QSOX1: variants seen among roughly 807,000 people sequenced by gnomAD.
QSOX1 encodes quiescin sulfhydryl oxidase 1.
Under a neutral mutation model 76.1 loss-of-function variants are expected in QSOX1, and 40 were observed. The observed-to-expected ratio is 0.53, with a 90% CI of 0.41 to 0.68. The LOEUF (loss-of-function observed/expected upper bound fraction) is 0.68, where lower values mean the gene tolerates loss of function less well. QSOX1 is among the 30% of genes least tolerant of loss of function. The pLI is 0.00. For missense variants in QSOX1, 931 were observed against 974.3 expected (o/e 0.96, Z 0.59); for synonymous variants, 392 against 413.1 (o/e 0.95, Z 0.62).
chr1:180,164,167 C>T (rs985928110), intron 1 of QSOX1, among the ~76,000 whole-genome samples: 1 of 152,156 alleles, frequency 6.6e-6, no homozygotes, highest in Non-Finnish European at 1.5e-5. Flanking sequence ...ACCATACCTG[C>T]CTTTGTGCAG....
At chr1:180,178,749 T>C (rs1662957978) in intron 4 of QSOX1, 45 bp from the exon 5 acceptor site, 5 of 1,573,036 alleles carry the variant, frequency 3.2e-6, no homozygotes, top group Non-Finnish European at 4.4e-6. Context: ...TTTTGTCTTA[T>C]TTCTGCTGGC....
Position 180,198,748 on chromosome 1 carries a change from C to T in QSOX1, c.*1711C>T, listed in dbSNP as rs2149244892. The T allele has an allele frequency of 3.7e-6, 1 of 273,702 alleles. No individual in the cohort carries two copies. Among genetic ancestry groups the T allele is most frequent in the African/African-American group, 2.2e-5 (1 of 45,686 alleles). The allele number at this position is 273,702 out of a possible 1,614,324, so 17.0% of individuals were successfully genotyped here. On this transcript the variant is annotated 3_prime_UTR_variant, in exon 12 of 12. Transcript: ENST00000367602. ...TCCTCCTGGTTGTGCTCTGCACCCC[C>T]TGCTCCCTTGGGCTGGCCCTGGCTG...
At chr1:180,186,964 C>T (rs1663191072) in intron 8 of QSOX1, among the ~76,000 whole-genome samples, 1 of 152,260 alleles carries the variant, frequency 6.6e-6, no homozygotes. Context: ...ACCCTGGACT[C>T]TGCTGCTCAG....
chr1:180,157,901 C>T (rs16855344), intron 1 of QSOX1, among the ~76,000 whole-genome samples: 4,555 of 152,216 alleles, frequency 0.03, 209 homozygotes, highest in African/African-American at 0.1. Flanking sequence ...TTGAAAAAGG[C>T]CAAAGGAGTG....
chr1:180,176,052 G>A lies in QSOX1; in HGVS notation c.515+19G>A, dbSNP rs1248230222. The stretch of plus-strand genomic sequence containing the variant: ...CTGCCAAGTACTTTGGGCTGGGGCA[G>A]GCTTAGTGCATTGTGGGCCAGGATC... On this transcript the variant is annotated intron_variant, in intron 4 of 11. Coordinates refer to ENST00000367602, the MANE Select transcript of QSOX1 (RefSeq NM_002826.5). 5 of 1,556,606 alleles carry A rather than the reference G, an allele frequency of 3.2e-6. No individual in the cohort carries two copies. The highest frequency in any genetic ancestry group is 3.8e-5 in the Admixed American group (2 of 52,534).
chr1:180,196,726 C>A lies in QSOX1; in HGVS notation c.1933C>A (p.Arg645=). 2 of 1,614,090 alleles carry A rather than the reference C, an allele frequency of 1.2e-6. No homozygotes were observed. Among genetic ancestry groups the A allele is most frequent in the Non-Finnish European group, 1.7e-6 (2 of 1,180,046 alleles). Residue 645 remains arginine, a synonymous_variant, in exon 12 of 12, where the codon CGA becomes AGA. Transcript: ENST00000367602. This position sits in a 1 kb window ranked among gnomAD's most constrained non-coding sequence, Gnocchi z 4.1. ...GCTTGGGCAGTGGCACTTGAGCAAGCGAGACACAGGGGCTGCATTGCTGGC... is the reference window on the plus strand; with the variant it reads ...GCTTGGGCAGTGGCACTTGAGCAAGAGAGACACAGGGGCTGCATTGCTGGC... ...QPLGQWHLSK[R]DTGAALLAES... is the part of the protein sequence containing the mutation.
Position 180,197,020 on chromosome 1 carries a change from G to A in QSOX1, c.2227G>A (p.Gly743Ser). ...AKIRALKGHA[G>S]HPAA The stretch of plus-strand genomic sequence containing the variant: ...GATAAGGGCCCTGAAGGGCCATGCT[G>A]GCCACCCTGCAGCCTGAACCACCTG... The change falls in exon 12 of 12, where the codon GGC becomes AGC. Residue 743 changes from glycine to serine, a missense_variant. Physicochemically the swap from Gly to Ser is moderately conservative, Grantham distance 56. Transcript: ENST00000367602. 1 of 1,610,526 alleles carries A rather than the reference G, an allele frequency of 6.2e-7. No individual in the cohort carries two copies.
chr1:180,186,428 G>A (rs1039479098), intron 8 of QSOX1, among the ~76,000 whole-genome samples: 2 of 152,234 alleles, frequency 1.3e-5, no homozygotes, highest in African/African-American at 4.8e-5. Context: ...CACAGGGCCC[G>A]TGCCCCCCAC....
chr1:180,194,783 C>G (rs928858018), intron 11 of QSOX1, among the ~76,000 whole-genome samples: 1 of 152,206 alleles, frequency 6.6e-6, no homozygotes, highest in Non-Finnish European at 1.5e-5. Flanking sequence ...GAGACCAGGT[C>G]GTTCCTGGAA....
At chr1:180,191,255 C>G (rs978377220) in intron 10 of QSOX1, among the ~76,000 whole-genome samples, 3 of 152,168 alleles carry the variant, frequency 2.0e-5, no homozygotes, top group Non-Finnish European at 4.4e-5. Flanking sequence ...CTTGGTGGAC[C>G]TCTAGTGTGA....
chr1:180,193,596 A>AG (rs1018845428), intron 10 of QSOX1, among the ~76,000 whole-genome samples: 7 of 145,492 alleles, frequency 4.8e-5, no homozygotes, highest in African/African-American at 1.8e-4. Flanking sequence ...GTGTTGGATT[A>AG]GGAGTGGTGT....
chr1:180,190,312 C>G (rs1258168031), intron 9 of QSOX1, 121 bp from the exon 10 acceptor site: 1 of 1,161,564 alleles, frequency 8.6e-7, no homozygotes, highest in Non-Finnish European at 1.2e-6. Context: ...GAAATGCCAC[C>G]TTCGAGGTGA....
intron 5 of QSOX1, among the ~76,000 whole-genome samples, chr1:180,179,757 T>G (rs1662984792): frequency 6.6e-6 from 1 of 152,322 alleles, no homozygotes; most frequent in East Asian, 1.9e-4. Flanking sequence ...ATTTTCCTGC[T>G]GAAACTCAAC....
chr1:180,175,372 T>TG lies in QSOX1; in HGVS notation c.412+7dup. The TG allele has an allele frequency of 6.2e-7, 1 of 1,613,338 alleles. No homozygotes were observed. The highest frequency in any genetic ancestry group is 8.5e-7 in the Non-Finnish European group (1 of 1,179,698). ...CTCGGGAGCAGTATTTCCAGGTGGG[T>TG]GCCCAGCTCTGGTTGTCCTGTTAGC... On this transcript the variant is annotated splice_region_variant and intron_variant, in intron 3 of 11. Coordinates refer to ENST00000367602, the MANE Select transcript of QSOX1 (RefSeq NM_002826.5).
rs1662962432 is a variant in QSOX1, at chr1:180,178,866, C to T, written c.588C>T (p.Gly196=). 6.2e-7 allele frequency: 1 copy of T among 1,613,792 alleles called. No homozygotes were observed. Among genetic ancestry groups the T allele is most frequent in the Non-Finnish European group, 8.5e-7 (1 of 1,179,696 alleles). ...TGGCTCTGATCTTTGAAAAGGGAGGCTCCTACCTGGGTAGAGAGGTGAGCT... is the reference window on the plus strand; with the variant it reads ...TGGCTCTGATCTTTGAAAAGGGAGGTTCCTACCTGGGTAGAGAGGTGAGCT... ...EYLALIFEKG[G]SYLGREVALD... Residue 196 remains glycine, a synonymous_variant, in exon 5 of 12, where the codon GGC becomes GGT. Transcript: ENST00000367602.
chr1:180,188,280 G>A (rs1020849724), intron 8 of QSOX1, among the ~76,000 whole-genome samples: 1 of 151,984 alleles, frequency 6.6e-6, no homozygotes, highest in African/African-American at 2.4e-5. Flanking sequence ...CAGTCAGGAG[G>A]CCCTCTGCAT....
intron 5 of QSOX1, 42 bp downstream of exon 5, chr1:180,178,926 G>GGA: frequency 6.4e-7 from 1 of 1,553,318 alleles, no homozygotes; most frequent in African/African-American, 1.4e-5. Flanking sequence ...GGATAGCCAT[G>GGA]GAGAGAGAGC....
At chr1:180,167,213 CTGCTGCAGTTATGGTGAGGG>C (rs1488142390) in intron 2 of QSOX1, among the ~76,000 whole-genome samples, 1 of 152,244 alleles carries the variant, frequency 6.6e-6, no homozygotes, top group East Asian at 1.9e-4. Flanking sequence ...GGCAGCAAGG[CTGCTGCAGTTATGGTGAGGG>C]CCCTCCCCTG....
Position 180,197,277 on chromosome 1 carries a change from G to A in QSOX1, c.*240G>A. On this transcript the variant is annotated 3_prime_UTR_variant, in exon 12 of 12. Transcript: ENST00000367602. The stretch of plus-strand genomic sequence containing the variant: ...TGTGCAGGGAGGGCAGCCCCGGGCA[G>A]TGGGCATAGGGCAGCTCAGTCCCTG... The A allele has an allele frequency of 6.2e-7, 1 of 1,613,268 alleles. No homozygotes were observed. Among genetic ancestry groups the A allele is most frequent in the Non-Finnish European group, 8.5e-7 (1 of 1,179,880 alleles).
Sources: allele counts gnomAD v4.1 joint callset (sites outside exome capture counted in the v4.1 genomes callset), GRCh38; gene constraint gnomAD v4.1.1; non-coding constraint Gnocchi (gnomAD v3.1); transcripts MANE v1.5; gene names NCBI Gene and HGNC (gene_info 2026-07-23, HGNC 2026-07-21).